The following ADK variants were observed in gnomAD, a reference collection of about 807,000 sequenced individuals.
The protein encoded by ADK is N6,N6-dimethyladenosine kinase.
A neutral mutation model predicts 44.7 loss-of-function variants in ADK; 24 were observed. That is an observed-to-expected ratio of 0.54 (90% CI 0.39 to 0.76). ADK has a LOEUF of 0.76. Among genes scored for constraint, ADK ranks in the 30% least tolerant of loss-of-function variants. The pLI, the probability that ADK is intolerant of heterozygous loss-of-function variation, is 0.00. For missense variants in ADK, 321 were observed against 425.1 expected, an observed-to-expected ratio of 0.76 and a Z score of 2.15; for synonymous variants, 128 against 142.6, an observed-to-expected ratio of 0.90 and a Z score of 0.73.
At chr10:74,331,202 G>C (rs1352692455) in intron 4 of ADK, among the ~76,000 whole-genome samples, 1 of 152,136 alleles carries the variant, frequency 6.6e-6, no homozygotes, top group Admixed American at 6.5e-5. Flanking sequence ...GCTTCTTACA[G>C]ATGGAAGGAA....
At chr10:74,321,423 A>C (rs1021199851) in intron 4 of ADK, among the ~76,000 whole-genome samples, 2 of 152,064 alleles carry the variant, frequency 1.3e-5, no homozygotes, top group Non-Finnish European at 2.9e-5. Flanking sequence ...AGTTGGGACT[A>C]TAGGTGCACA....
chr10:74,361,716 A>G (rs777301803), intron 4 of ADK, among the ~76,000 whole-genome samples: 1 of 152,220 alleles, frequency 6.6e-6, no homozygotes, highest in East Asian at 1.9e-4. Context: ...AGTTTGAAGA[A>G]GTTTTTAAAG....
chr10:74,599,726 A>G (rs1384024641), intron 8 of ADK, among the ~76,000 whole-genome samples: 1 of 152,236 alleles, frequency 6.6e-6, no homozygotes, highest in Non-Finnish European at 1.5e-5. Flanking sequence ...ATGTGGTGTG[A>G]AAAACAGCAT....
chr10:74,276,543 TAC>T (rs1846686760), intron 3 of ADK, among the ~76,000 whole-genome samples: 1 of 152,354 alleles, frequency 6.6e-6, no homozygotes, highest in African/African-American at 2.4e-5. Context: ...AGAAATCTGA[TAC>T]AGTGTGTCTC....
rs1591797844 is a variant in ADK, at chr10:74,166,573, G to A, written c.65+15230G>A. Among the ~76,000 whole-genome samples the A allele has an allele frequency of 2.0e-5, 3 of 151,846 alleles. No individual in the cohort carries two copies. In the East Asian group the frequency reaches 5.8e-4, roughly 29 times the overall value. ...GGCCTCAAGTGTTCTGCCCACGTTGGCTACTCAGGAGGCTGAGGTAGGAGA... is the reference window on the plus strand; with the variant it reads ...GGCCTCAAGTGTTCTGCCCACGTTGACTACTCAGGAGGCTGAGGTAGGAGA... On this transcript the variant is annotated intron_variant, in intron 1 of 10. Transcript: ENST00000539909.
chr10:74,559,073 G>A (rs144051245), intron 7 of ADK, among the ~76,000 whole-genome samples: 1 of 152,340 alleles, frequency 6.6e-6, no homozygotes, highest in East Asian at 1.9e-4. Flanking sequence ...CACCATGGCA[G>A]TCTGGCTTCT....
At chr10:74,471,105 C>G (rs1002471974) in intron 6 of ADK, among the ~76,000 whole-genome samples, 1 of 148,594 alleles carries the variant, frequency 6.7e-6, no homozygotes, top group South Asian at 2.1e-4. Context: ...GATAGATTCT[C>G]ACTCTGTTGC....
intron 3 of ADK, among the ~76,000 whole-genome samples, chr10:74,300,366 TC>T (rs1347554113): frequency 7.4e-6 from 1 of 134,300 alleles, no homozygotes; most frequent in Non-Finnish European, 1.6e-5. Context: ...TTCCTTTCTT[TC>T]TTTCTTCTTT....
chr10:74,485,390 A>C (rs181889535), intron 6 of ADK, among the ~76,000 whole-genome samples: 2 of 152,034 alleles, frequency 1.3e-5, no homozygotes, highest in East Asian at 3.9e-4. Flanking sequence ...TGAGCCCAGG[A>C]TGTCAAGGTT....
intron 10 of ADK, among the ~76,000 whole-genome samples, chr10:74,675,415 T>C (rs1176129225): frequency 6.6e-6 from 1 of 152,226 alleles, no homozygotes; most frequent in Non-Finnish European, 1.5e-5. Flanking sequence ...CTCCAGCCTC[T>C]ACAAGCATCG....
chr10:74,630,056 G>A (rs1934074933), intron 9 of ADK, among the ~76,000 whole-genome samples: 1 of 151,888 alleles, frequency 6.6e-6, no homozygotes, highest in Non-Finnish European at 1.5e-5. Context: ...CATAGCATTG[G>A]TCTTAAATTT....
chr10:74,252,318 A>G (rs1404165027), intron 3 of ADK, among the ~76,000 whole-genome samples: 1 of 152,184 alleles, frequency 6.6e-6, no homozygotes, highest in East Asian at 1.9e-4. Flanking sequence ...TAGGTCTTAC[A>G]TGAAATTAGA....
chr10:74,422,755 C>G (rs1044081796), intron 6 of ADK, among the ~76,000 whole-genome samples: 2 of 152,192 alleles, frequency 1.3e-5, no homozygotes, highest in Admixed American at 6.5e-5. Context: ...TTCCCACTCC[C>G]CCTTTACCTA....
rs113629365 is a variant in ADK, at chr10:74,262,040, C to T, written c.194+37449C>T. 1.7e-4 allele frequency among the ~76,000 whole-genome samples: 26 copies of T among 152,126 alleles called. 2 individuals are homozygous for T. Among genetic ancestry groups the T allele is most frequent in the African/African-American group, 5.1e-4 (21 of 41,510 alleles). On this transcript the variant is annotated intron_variant, in intron 3 of 10. Coordinates refer to ENST00000539909, the MANE Select transcript of ADK (RefSeq NM_006721.4). ...TCCACCACAAAAAACACTCATGGGC[C>T]GGGTGTGGTGGCTCACACCTGTAAT...
intron 3 of ADK, among the ~76,000 whole-genome samples, chr10:74,285,689 C>T (rs1847137411): frequency 6.6e-6 from 1 of 151,800 alleles, no homozygotes; most frequent in Non-Finnish European, 1.5e-5. Flanking sequence ...TCAAACAAAA[C>T]AAAACAAAAC....
intron 1 of ADK, among the ~76,000 whole-genome samples, chr10:74,190,751 T>C (rs1250239187): frequency 6.6e-6 from 1 of 152,138 alleles, no homozygotes; most frequent in Non-Finnish European, 1.5e-5. Context: ...TCTAGCCCTG[T>C]TCTGTCACCT....
At chr10:74,348,685 T>C (rs926242331) in intron 4 of ADK, among the ~76,000 whole-genome samples, 4 of 151,934 alleles carry the variant, frequency 2.6e-5, no homozygotes, top group East Asian at 3.9e-4. Flanking sequence ...TAGGAACTGC[T>C]AACTAGAATA....
intron 5 of ADK, among the ~76,000 whole-genome samples, chr10:74,395,513 T>C (rs1843477569): frequency 6.6e-6 from 1 of 152,098 alleles, no homozygotes. Context: ...CAGTAAACAT[T>C]GAAATATGGG....
chr10:74,594,525 A>G (rs1851829512), intron 8 of ADK, among the ~76,000 whole-genome samples: 1 of 152,178 alleles, frequency 6.6e-6, no homozygotes, highest in Non-Finnish European at 1.5e-5. Flanking sequence ...AATGGCAGAT[A>G]TTAATTCAAC....
Sources: allele counts gnomAD v4.1 joint callset (sites outside exome capture counted in the v4.1 genomes callset), GRCh38; gene constraint gnomAD v4.1.1; transcripts MANE v1.5; gene names NCBI Gene and HGNC (gene_info 2026-07-23, HGNC 2026-07-21).